GALNS: variants seen among roughly 807,000 people sequenced by gnomAD.
GALNS encodes the protein galactosamine (N-acetyl)-6-sulfatase, also known as N-acetylgalactosamine-6-sulfatase.
In GALNS, 65 loss-of-function variants were observed where a neutral mutation model predicts 65.9. That is an observed-to-expected ratio of 0.99 (90% CI 0.81 to 1.21). The LOEUF (loss-of-function observed/expected upper bound fraction) is 1.21, where lower values mean the gene tolerates loss of function less well. Among genes scored for constraint, GALNS ranks in the 50% most tolerant of loss-of-function variants. GALNS has a pLI of 0.00. For synonymous variants in GALNS, 346 were observed against 288.9 expected (o/e 1.20, Z -2.00); for missense variants, 776 against 700.7 (o/e 1.11, Z -1.21).
chr16:88,814,550 G>A (rs1159184105), intron 13 of GALNS, 25 bp from the exon 14 acceptor site: 2 of 1,551,034 alleles, frequency 1.3e-6, no homozygotes, highest in Non-Finnish European at 1.7e-6. Context: ...TTGAGAAAAA[G>A]AACATGCAGT....
intron 4 of GALNS, among the ~76,000 whole-genome samples, chr16:88,839,660 C>T (rs113582249): frequency 5.9e-5 from 9 of 152,352 alleles, no homozygotes; most frequent in South Asian, 2.1e-4. Context: ...ACTGAGCAGC[C>T]GCTGTAGGAC....
At chr16:88,827,289 G>A (rs927236730) in intron 9 of GALNS, among the ~76,000 whole-genome samples, 8 of 152,222 alleles carry the variant, frequency 5.3e-5, no homozygotes, top group African/African-American at 1.2e-4. Flanking sequence ...GAGTGGCTGG[G>A]GTGGGGACGG....
chr16:88,847,477 C>T (rs1967302486), intron 1 of GALNS, among the ~76,000 whole-genome samples: 1 of 152,246 alleles, frequency 6.6e-6, no homozygotes, highest in Admixed American at 6.5e-5. Flanking sequence ...AGGACTGCCA[C>T]CTGCATGGAC....
chr16:88,825,765 G>A lies in GALNS; in HGVS notation c.1140-896C>T, dbSNP rs186360224. ...GGCCTGCGAGTCAGGAACGGGGAGTGGGGGACGCAGCTGGGCACCGTCTCT... is the reference window on the plus strand; with the variant it reads ...GGCCTGCGAGTCAGGAACGGGGAGTAGGGGACGCAGCTGGGCACCGTCTCT... On this transcript the variant is annotated intron_variant, in intron 10 of 13. Coordinates refer to ENST00000268695, the MANE Select transcript of GALNS (RefSeq NM_000512.5). Among the ~76,000 whole-genome samples, 772 of 152,200 alleles carry A rather than the reference G, an allele frequency of 5.1e-3. 1 individual carries two copies. Among genetic ancestry groups the A allele is most frequent in the Non-Finnish European group, 7.9e-3 (538 of 67,984 alleles).
chr16:88,841,498 A>G (rs1224250802), intron 3 of GALNS, among the ~76,000 whole-genome samples: 1 of 152,050 alleles, frequency 6.6e-6, no homozygotes, highest in East Asian at 1.9e-4. Flanking sequence ...ATGCCACTGG[A>G]AATCCCACTT....
intron 12 of GALNS, among the ~76,000 whole-genome samples, chr16:88,820,277 G>A (rs1029587286): frequency 3.3e-5 from 5 of 151,850 alleles, no homozygotes; most frequent in Admixed American, 1.3e-4. Context: ...TACAGGCACC[G>A]ACCAACACAT....
In GALNS at chr16:88,842,738, T is replaced by A; in HGVS notation, c.212A>T (p.Asn71Ile). The A allele has an allele frequency of 6.2e-7, 1 of 1,612,878 alleles. No individual in the cohort carries two copies. Among genetic ancestry groups the A allele is most frequent in the African/African-American group, 1.3e-5 (1 of 74,996 alleles). Reference sequence around the variant, plus strand: ...GCACAGAGGGTTGGCAGAATAGAAGTTTGGGAAAAGCAGCCCTTCTGCAGC... The same window carrying A: ...GCACAGAGGGTTGGCAGAATAGAAGATTGGGAAAAGCAGCCCTTCTGCAGC... ...RMAAEGLLFPNFYSANPLCSP... is the reference protein window; with the variant it reads ...RMAAEGLLFPIFYSANPLCSP... The change falls in exon 2 of 14, where the codon AAC becomes ATC. Residue 71 changes from asparagine (N) to isoleucine (I), a missense_variant. Physicochemically the swap from Asn to Ile is moderately radical, Grantham distance 149. Coordinates refer to ENST00000268695, the MANE Select transcript of GALNS (RefSeq NM_000512.5).
At chr16:88,855,719 G>T (rs1567549158) in intron 1 of GALNS, 1 of 582,004 alleles carries the variant, frequency 1.7e-6, no homozygotes, top group African/African-American at 1.9e-5. Context: ...CTAAATCTGT[G>T]TATTTTACAC....
At chr16:88,816,213 C>T (rs1020947942) in intron 13 of GALNS, 3 of 985,452 alleles carry the variant, frequency 3.0e-6, no homozygotes, top group Non-Finnish European at 3.6e-6. Flanking sequence ...AGGCTGTGTG[C>T]GCCCACCTCC....
chr16:88,819,826 TG>T (rs1910019913), intron 12 of GALNS, among the ~76,000 whole-genome samples: 1 of 151,982 alleles, frequency 6.6e-6, no homozygotes. Flanking sequence ...CCTGAGTAGC[TG>T]GGAGTACAGG....
Position 88,835,860 on chromosome 16 carries a change from A to C in GALNS, c.634-11T>G, listed in dbSNP as rs940934031. Reference sequence around the variant, plus strand: ...GAAGTCCAGGGCTTCCTATGGAGAGAGCCACACCGTCGTCCTCCAGCCTCA... The same window carrying C: ...GAAGTCCAGGGCTTCCTATGGAGAGCGCCACACCGTCGTCCTCCAGCCTCA... On this transcript the variant is annotated splice_polypyrimidine_tract_variant and intron_variant, in intron 6 of 13. Transcript: ENST00000268695. 6.2e-7 allele frequency: 1 copy of C among 1,613,890 alleles called. No homozygotes were observed.
intron 12 of GALNS, 62 bp from the exon 13 acceptor site, chr16:88,818,186 G>T: frequency 7.6e-7 from 1 of 1,312,992 alleles, no homozygotes; most frequent in Non-Finnish European, 1.1e-6. Context: ...AGAGGGGCTG[G>T]CCTGGACAGG....
chr16:88,822,454 T>G, intron 12 of GALNS, 135 bp downstream of exon 12: 3 of 1,190,436 alleles, frequency 2.5e-6, no homozygotes, highest in Non-Finnish European at 3.6e-6. Context: ...CACGTGTGGG[T>G]ATGAATAGCA....
intron 10 of GALNS, 98 bp from the exon 11 acceptor site, chr16:88,824,967 C>T: frequency 1.1e-6 from 1 of 892,496 alleles, no homozygotes; most frequent in South Asian, 1.4e-5. Flanking sequence ...GCTCATGCCT[C>T]CACGTGAGGT....
At chr16:88,842,453 C>T (rs1967020750) in intron 2 of GALNS, 1 of 579,462 alleles carries the variant, frequency 1.7e-6, no homozygotes. Flanking sequence ...GCACTCGACT[C>T]TGGGAAACAG....
intron 1 of GALNS, chr16:88,855,475 A>G (rs532443140): frequency 1.2e-4 from 86 of 702,854 alleles, no homozygotes; most frequent in Non-Finnish European, 1.9e-4. Flanking sequence ...TACTGCTGTC[A>G]GGACACGGAC....
chr16:88,844,311 G>GA (rs1402629769), intron 1 of GALNS: 1 of 152,192 alleles, frequency 6.6e-6, no homozygotes, highest in Non-Finnish European at 1.5e-5. Flanking sequence ...GGTGTTCACT[G>GA]AAAACTTCTT....
chr16:88,833,384 G>A (rs534404808), intron 8 of GALNS, among the ~76,000 whole-genome samples: 1 of 151,958 alleles, frequency 6.6e-6, no homozygotes, highest in Non-Finnish European at 1.5e-5. Flanking sequence ...GGACACTCAG[G>A]CTCACAGGAG....
chr16:88,818,819 C>G (rs1439676416), intron 12 of GALNS, among the ~76,000 whole-genome samples: 1 of 152,258 alleles, frequency 6.6e-6, no homozygotes, highest in Non-Finnish European at 1.5e-5. Context: ...CCTGCCATCG[C>G]TGCCATAGCG....
Sources: gnomAD v4.1 joint callset for allele counts (sites outside exome capture counted in the v4.1 genomes callset) on GRCh38, gnomAD v4.1.1 for gene constraint, MANE v1.5 for transcripts, NCBI Gene and HGNC (gene_info 2026-07-23, HGNC 2026-07-21) for gene names.